RGS12: variants seen among roughly 807,000 people sequenced by gnomAD.
RGS12 encodes regulator of G protein signaling 12.
A neutral mutation model predicts 120.1 loss-of-function variants in RGS12; 66 were observed. That is an observed-to-expected ratio of 0.55 (90% CI 0.45 to 0.67). The LOEUF is 0.67. Among genes scored for constraint, RGS12 ranks in the 30% least tolerant of loss-of-function variants. The pLI is 0.00. For missense variants in RGS12, 1,859 were observed against 1,957.7 expected, an observed-to-expected ratio of 0.95 and a Z score of 0.95; for synonymous variants, 827 against 804.7, an observed-to-expected ratio of 1.03 and a Z score of -0.47.
At chr4:3,409,212 C>T (rs1258608022) in intron 4 of RGS12, among the ~76,000 whole-genome samples, 1 of 152,198 alleles carries the variant, frequency 6.6e-6, no homozygotes, top group Non-Finnish European at 1.5e-5. Flanking sequence ...CTGTACACAG[C>T]ATCTGCCTCT....
intron 4 of RGS12, among the ~76,000 whole-genome samples, chr4:3,406,256 T>A (rs1721111873): frequency 6.6e-6 from 1 of 152,058 alleles, no homozygotes. Flanking sequence ...GGCCGCCCTG[T>A]GAATGGGGGA....
Position 3,316,072 on chromosome 4 carries a change from C to A in RGS12, c.-99C>A. 2 of 1,240,654 alleles carry A rather than the reference C, an allele frequency of 1.6e-6. No individual in the cohort carries two copies. The highest frequency in any genetic ancestry group is 1.1e-6 in the Non-Finnish European group (1 of 897,326). 76.9% of individuals were successfully genotyped at this position (1,240,654 alleles called of 1,614,324 possible). A position where few individuals can be genotyped will look rare whatever the true frequency, so the allele number is the denominator to read the frequency against. ...AGCTGTTCGTTTTTCTTTCTTAGGG[C>A]ACTGTTTGAAGAAGCAAACATGGTA... On this transcript the variant is annotated splice_region_variant and 5_prime_UTR_variant, in exon 2 of 18. Coordinates refer to ENST00000336727, the MANE Select transcript of RGS12 (RefSeq NM_001394154.1).
At chr4:3,393,731 G>A (rs1410822292) in intron 4 of RGS12, among the ~76,000 whole-genome samples, 1 of 152,222 alleles carries the variant, frequency 6.6e-6, no homozygotes, top group African/African-American at 2.4e-5. Flanking sequence ...GGCAGGAGGG[G>A]AAGGCCTGTC....
chr4:3,386,208 C>T, intron 3 of RGS12: 1 of 603,280 alleles, frequency 1.7e-6, no homozygotes, highest in South Asian at 2.1e-5. Context: ...ATGACTTCCT[C>T]TTGTTGGGTG....
chr4:3,380,499 T>C (rs1718148497), intron 3 of RGS12, among the ~76,000 whole-genome samples: 1 of 152,200 alleles, frequency 6.6e-6, no homozygotes, highest in Non-Finnish European at 1.5e-5. Context: ...CACACTGCCC[T>C]AGCAGAGGTT....
chr4:3,302,279 CG>C (rs1369088353), intron 1 of RGS12, among the ~76,000 whole-genome samples: 4 of 149,022 alleles, frequency 2.7e-5, no homozygotes, highest in Non-Finnish European at 6.0e-5. Context: ...ATCACCAGGC[CG>C]GTGCCCAGAG....
At chr4:3,360,914 A>G (rs1432170434) in intron 3 of RGS12, among the ~76,000 whole-genome samples, 1 of 152,244 alleles carries the variant, frequency 6.6e-6, no homozygotes, top group African/African-American at 2.4e-5. Flanking sequence ...CCAAAGTCAC[A>G]TATGAGAAAG....
chr4:3,307,657 G>A (rs41347150), intron 1 of RGS12, among the ~76,000 whole-genome samples: 3,001 of 152,280 alleles, frequency 0.02, 78 homozygotes, highest in African/African-American at 0.064. Context: ...TGGGCCGTGG[G>A]TGTGCCAGCC....
At chr4:3,383,222 A>G (rs1233264487) in intron 3 of RGS12, among the ~76,000 whole-genome samples, 1 of 152,092 alleles carries the variant, frequency 6.6e-6, no homozygotes, top group Non-Finnish European at 1.5e-5. Flanking sequence ...CCCTAGTGGC[A>G]TTGGCATTTT....
chr4:3,428,503 ATGTAT>A, intron 15 of RGS12, 50 bp from the exon 16 acceptor site: 2 of 1,415,450 alleles, frequency 1.4e-6, no homozygotes, highest in South Asian at 2.6e-5. Context: ...CTAATGAATG[ATGTAT>A]TGTCGTGTAT....
chr4:3,355,608 A>C (rs1388059855), intron 3 of RGS12, among the ~76,000 whole-genome samples: 2 of 151,744 alleles, frequency 1.3e-5, no homozygotes, highest in African/African-American at 4.8e-5. Flanking sequence ...CAGCCTGGAC[A>C]ACATGGCTAA....
In RGS12 at chr4:3,414,853, A is replaced by C; in HGVS notation, c.2283+9A>C. On this transcript the variant is annotated intron_variant, in intron 6 of 17. Coordinates refer to ENST00000336727, the MANE Select transcript of RGS12 (RefSeq NM_001394154.1). ...CACATGACAAAAAGGAGGTAAGTCC[A>C]CGCTTGGGAAGTGGGGGCTGTGTGA... 6.2e-7 allele frequency: 1 copy of C among 1,601,704 alleles called. No homozygotes were observed. Among genetic ancestry groups the C allele is most frequent in the Non-Finnish European group, 8.6e-7 (1 of 1,168,696 alleles).
At chr4:3,432,473 T>C (rs1465706305) in intron 17 of RGS12, among the ~76,000 whole-genome samples, 2 of 152,174 alleles carry the variant, frequency 1.3e-5, no homozygotes, top group Non-Finnish European at 2.9e-5. Context: ...ACCCCGGCCC[T>C]GCAGCCCTGG....
chr4:3,388,017 A>G (rs1191505600), intron 4 of RGS12, among the ~76,000 whole-genome samples: 2 of 152,072 alleles, frequency 1.3e-5, no homozygotes, highest in African/African-American at 4.8e-5. Flanking sequence ...CCTCTGAGGA[A>G]GTGTGTCCTG....
intron 4 of RGS12, among the ~76,000 whole-genome samples, chr4:3,399,550 A>G (rs1275796528): frequency 2.0e-5 from 3 of 152,270 alleles, no homozygotes; most frequent in Non-Finnish European, 4.4e-5. Flanking sequence ...ACACTATAGG[A>G]CAATTCCATT....
At position 3,390,594 on chromosome 4, in the gene RGS12, C is replaced by T. The variant is rs752514923; in HGVS notation, c.2020+4157C>T. ...CCTCCTCCTGGGCTGCTCTGCGCGCCTGCCAGGCTCTTCCAGTGCCTTCAC... is the reference window on the plus strand; with the variant it reads ...CCTCCTCCTGGGCTGCTCTGCGCGCTTGCCAGGCTCTTCCAGTGCCTTCAC... On this transcript the variant is annotated intron_variant, in intron 4 of 17. Transcript: ENST00000336727. This position sits in a 1 kb window ranked among gnomAD's most constrained non-coding sequence, Gnocchi z 4.6. Among the ~76,000 whole-genome samples the T allele has an allele frequency of 6.6e-6, 1 of 152,270 alleles. No individual in the cohort carries two copies. Among genetic ancestry groups the T allele is most frequent in the Non-Finnish European group, 1.5e-5 (1 of 68,046 alleles).
At chr4:3,309,446 A>G (rs1271305187) in intron 1 of RGS12, among the ~76,000 whole-genome samples, 1 of 131,866 alleles carries the variant, frequency 7.6e-6, no homozygotes, top group Non-Finnish European at 1.6e-5. Flanking sequence ...AGGAGCTGGG[A>G]CCCAGGAATG....
intron 4 of RGS12, among the ~76,000 whole-genome samples, chr4:3,400,973 A>G (rs1720522735): frequency 6.6e-6 from 1 of 152,106 alleles, no homozygotes; most frequent in Non-Finnish European, 1.5e-5. Context: ...ACATGGCAAG[A>G]AAAAAATATT....
chr4:3,417,163 A>T, intron 8 of RGS12, 71 bp downstream of exon 8: 1 of 1,456,664 alleles, frequency 6.9e-7, no homozygotes, highest in Non-Finnish European at 9.1e-7. Context: ...TTCTGTGGGG[A>T]GTGAAAAGAG....
Sources: gnomAD v4.1 joint callset for allele counts (sites outside exome capture counted in the v4.1 genomes callset) on GRCh38, gnomAD v4.1.1 for gene constraint, Gnocchi (gnomAD v3.1) non-coding constraint, MANE v1.5 for transcripts, NCBI Gene and HGNC (gene_info 2026-07-23, HGNC 2026-07-21) for gene names.